Variants in TRIM9 observed in about 807,000 individuals in gnomAD.
TRIM9 encodes tripartite motif containing 9, also known as E3 ubiquitin-protein ligase TRIM9.
TRIM9 carries 26 observed loss-of-function variants against 78.3 expected under a neutral mutation model. That is an observed-to-expected ratio of 0.33 (90% CI 0.24 to 0.46). TRIM9 has a LOEUF of 0.46. Among genes scored for constraint, TRIM9 ranks in the 20% least tolerant of loss-of-function variants. The pLI is 1.00. For missense variants in TRIM9, 787 were observed against 1,036.4 expected (o/e 0.76, Z 3.30); for synonymous variants, 398 against 416.5 (o/e 0.96, Z 0.54).
intron 1 of TRIM9, among the ~76,000 whole-genome samples, chr14:51,035,715 T>C (rs1300934637): frequency 6.6e-6 from 1 of 152,196 alleles, no homozygotes; most frequent in African/African-American, 2.4e-5. Context: ...CATAGACTGC[T>C]GGTTAGGGCT....
chr14:51,091,473 C>T (rs1333894012), intron 1 of TRIM9, among the ~76,000 whole-genome samples: 1 of 152,108 alleles, frequency 6.6e-6, no homozygotes, highest in Non-Finnish European at 1.5e-5. Flanking sequence ...CTTTGCTGTC[C>T]TATTTTTGCA....
rs1555331472 is a variant in TRIM9 at position 50,979,342 on chromosome 14, C to CT, written c.2325+44_2325+45insA. The CT allele has an allele frequency of 1.9e-6, 3 of 1,614,000 alleles. No individual in the cohort carries two copies. The Admixed American group carries it at 5.0e-5, about 27-fold the overall frequency. On this transcript the variant is annotated intron_variant, in intron 12 of 12. Transcript: ENST00000684578. The stretch of plus-strand genomic sequence containing the variant: ...GAACGGCCCTGGGCAGCCTTTGAAC[C>CT]GGTAGCCAGCAACAGCTGTTTAACC...
At chr14:51,014,883 T>G (rs17123481) in intron 3 of TRIM9, among the ~76,000 whole-genome samples, 4,552 of 152,198 alleles carry the variant, frequency 0.03, 227 homozygotes, top group African/African-American at 0.11. Flanking sequence ...CAAGAGGTCC[T>G]TTTCTCAGGG....
chr14:51,072,624 TTTC>T (rs893342835), intron 1 of TRIM9, among the ~76,000 whole-genome samples: 2 of 151,066 alleles, frequency 1.3e-5, no homozygotes, highest in African/African-American at 4.9e-5. Flanking sequence ...TCACAATTAC[TTTC>T]TTGAGGTTAT....
chr14:51,004,911 T>G (rs2055561880), intron 5 of TRIM9, among the ~76,000 whole-genome samples: 1 of 152,178 alleles, frequency 6.6e-6, no homozygotes, highest in Non-Finnish European at 1.5e-5. Flanking sequence ...ACAATAAAGA[T>G]TCCCCAAATA....
chr14:51,013,462 A>T (rs1261044988), intron 3 of TRIM9, among the ~76,000 whole-genome samples: 5 of 152,220 alleles, frequency 3.3e-5, no homozygotes, highest in Non-Finnish European at 5.9e-5. Context: ...AGGAAATGTA[A>T]GAACTTCAAA....
intron 1 of TRIM9, among the ~76,000 whole-genome samples, chr14:51,033,121 G>A (rs1365632028): frequency 3.9e-5 from 6 of 151,982 alleles, no homozygotes; most frequent in East Asian, 3.9e-4. Context: ...ATGGTGTCTC[G>A]CTCTGTCGCC....
At chr14:51,017,793 G>A (rs2057359777) in intron 3 of TRIM9, among the ~76,000 whole-genome samples, 1 of 152,184 alleles carries the variant, frequency 6.6e-6, no homozygotes, top group Admixed American at 6.5e-5. Context: ...GATTGGCATT[G>A]CCAAAGTGAG....
At chr14:50,984,499 T>C (rs2052436778) in intron 8 of TRIM9, among the ~76,000 whole-genome samples, 1 of 152,216 alleles carries the variant, frequency 6.6e-6, no homozygotes, top group Non-Finnish European at 1.5e-5. Flanking sequence ...TATGTTTTGT[T>C]TCTATCAATT....
At chr14:51,089,121 G>C (rs937685396) in intron 1 of TRIM9, 27 of 152,278 alleles carry the variant, frequency 1.8e-4, no homozygotes, top group African/African-American at 6.3e-4. Context: ...AGTGAACTTA[G>C]TTTCTAGCTT....
chr14:51,029,131 T>G (rs531239796), intron 1 of TRIM9, among the ~76,000 whole-genome samples: 44 of 152,306 alleles, frequency 2.9e-4, no homozygotes, highest in African/African-American at 9.9e-4. Flanking sequence ...ACTGTAAACA[T>G]TCTTCACGTG....
intron 1 of TRIM9, among the ~76,000 whole-genome samples, chr14:51,036,321 G>C (rs938755175): frequency 1.3e-5 from 2 of 152,128 alleles, no homozygotes; most frequent in Admixed American, 6.5e-5. Flanking sequence ...TTGAGAGCCG[G>C]TTTGTCAGCA....
At chr14:51,059,725 G>A (rs972447040) in intron 1 of TRIM9, among the ~76,000 whole-genome samples, 1 of 151,042 alleles carries the variant, frequency 6.6e-6, no homozygotes, top group South Asian at 2.1e-4. Flanking sequence ...TTGAACCTGG[G>A]AGGCAGAGGT....
chr14:51,094,964 C>A lies in TRIM9; in HGVS notation c.-25G>T, dbSNP rs2064801046. 1.4e-6 allele frequency: 2 copies of A among 1,394,424 alleles called. No homozygotes were observed. The highest frequency in any genetic ancestry group is 2.9e-5 in the African/African-American group (2 of 69,638). 86.4% of individuals were successfully genotyped at this position (1,394,424 alleles called of 1,614,324 possible). On this transcript the variant is annotated 5_prime_UTR_variant, in exon 1 of 13. Coordinates refer to ENST00000684578, the MANE Select transcript of TRIM9 (RefSeq NM_001387360.1). Reference sequence around the variant, plus strand: ...TGGGGACCGGTCTGGGAGGAGACAGCGACGGCTGCAGCGGGTGCCTGAGCT... The same window carrying A: ...TGGGGACCGGTCTGGGAGGAGACAGAGACGGCTGCAGCGGGTGCCTGAGCT...
chr14:51,024,968 C>CA (rs1369632129), intron 2 of TRIM9, among the ~76,000 whole-genome samples: 2 of 151,940 alleles, frequency 1.3e-5, no homozygotes. Flanking sequence ...CCTGAGTTTA[C>CA]AAAAAAATAG....
At chr14:51,093,492 G>A (rs2140395828) in intron 1 of TRIM9, among the ~76,000 whole-genome samples, 1 of 152,350 alleles carries the variant, frequency 6.6e-6, no homozygotes, top group Non-Finnish European at 1.5e-5. Flanking sequence ...TTGCCATGGC[G>A]ACCGCTGGCT....
intron 5 of TRIM9, among the ~76,000 whole-genome samples, chr14:51,007,039 A>G (rs1468252629): frequency 1.3e-5 from 2 of 152,164 alleles, no homozygotes; most frequent in Non-Finnish European, 2.9e-5. Flanking sequence ...GACATGACTC[A>G]GGAGGGCAAT....
intron 1 of TRIM9, among the ~76,000 whole-genome samples, chr14:51,043,275 C>G (rs1350886403): frequency 6.6e-6 from 1 of 152,156 alleles, no homozygotes; most frequent in Non-Finnish European, 1.5e-5. Flanking sequence ...AAAGAAAGCT[C>G]AGAGTGTATA....
intron 3 of TRIM9, among the ~76,000 whole-genome samples, chr14:51,015,642 T>A (rs2057108220): frequency 6.6e-6 from 1 of 151,056 alleles, no homozygotes; most frequent in Non-Finnish European, 1.5e-5. Context: ...GCCTCCCTGG[T>A]AGCTGGGACT....
Sources: allele counts gnomAD v4.1 joint callset (sites outside exome capture counted in the v4.1 genomes callset), GRCh38; gene constraint gnomAD v4.1.1; transcripts MANE v1.5; gene names NCBI Gene and HGNC (gene_info 2026-07-23, HGNC 2026-07-21).